Variants in CCDC181 observed in about 807,000 individuals in gnomAD.
CCDC181 encodes coiled-coil domain containing 181, also known as coiled-coil domain-containing protein 181.
A neutral mutation model predicts 58.7 loss-of-function variants in CCDC181; 35 were observed. The observed-to-expected ratio is 0.60, with a 90% CI of 0.46 to 0.79. The LOEUF is 0.79. Among genes scored for constraint, CCDC181 ranks in the 30% least tolerant of loss-of-function variants. The pLI, the probability that CCDC181 is intolerant of heterozygous loss-of-function variation, is 0.00. For synonymous variants in CCDC181, 183 were observed against 197.5 expected (o/e 0.93, Z 0.62); for missense variants, 517 against 583.9 (o/e 0.89, Z 1.18).
At chr1:169,441,563 T>G (rs1191831355) in intron 2 of CCDC181, among the ~76,000 whole-genome samples, 1 of 152,052 alleles carries the variant, frequency 6.6e-6, no homozygotes, top group Non-Finnish European at 1.5e-5. Context: ...CCTTCTCCCC[T>G]CTAAAGTGGG....
At chr1:169,433,635 A>G (rs561270612) in intron 2 of CCDC181, among the ~76,000 whole-genome samples, 48 of 152,182 alleles carry the variant, frequency 3.2e-4, no homozygotes, top group African/African-American at 1.1e-3. Context: ...TCTCACATAT[A>G]TGGTCAAATG....
intron 4 of CCDC181, among the ~76,000 whole-genome samples, chr1:169,416,481 G>T (rs1419167424): frequency 6.6e-6 from 1 of 152,038 alleles, no homozygotes; most frequent in East Asian, 1.9e-4. Context: ...TAATGAATTG[G>T]ATTGAAACAC....
At chr1:169,424,589 G>A (rs139764910) in intron 2 of CCDC181, among the ~76,000 whole-genome samples, 103 of 151,574 alleles carry the variant, frequency 6.8e-4, no homozygotes, top group African/African-American at 2.1e-3. Flanking sequence ...AAATGCTAGC[G>A]TAATAACTGT....
At chr1:169,436,583 TA>T (rs1657060486) in intron 2 of CCDC181, among the ~76,000 whole-genome samples, 1 of 152,108 alleles carries the variant, frequency 6.6e-6, no homozygotes, top group Non-Finnish European at 1.5e-5. Flanking sequence ...CGACCTAGAC[TA>T]AAAGAAAATT....
At chr1:169,420,474 T>C (rs1656406483) in intron 3 of CCDC181, among the ~76,000 whole-genome samples, 1 of 151,604 alleles carries the variant, frequency 6.6e-6, no homozygotes, top group Admixed American at 6.6e-5. Flanking sequence ...CCATATAAAG[T>C]AGATAACACA....
chr1:169,399,728 G>A (rs1655234255), intron 4 of CCDC181, among the ~76,000 whole-genome samples: 1 of 152,144 alleles, frequency 6.6e-6, no homozygotes, highest in South Asian at 2.1e-4. Flanking sequence ...TTACCCTTCT[G>A]CCCTAATTAG....
At chr1:169,409,233 C>T (rs1051932882) in intron 4 of CCDC181, among the ~76,000 whole-genome samples, 15 of 152,010 alleles carry the variant, frequency 9.9e-5, no homozygotes, top group Admixed American at 8.5e-4. Flanking sequence ...ATGAGAACTT[C>T]GTGAAACATA....
chr1:169,411,213 C>A (rs944103482), intron 4 of CCDC181, among the ~76,000 whole-genome samples: 11 of 152,232 alleles, frequency 7.2e-5, no homozygotes, highest in African/African-American at 2.6e-4. Context: ...GATATCACCA[C>A]TGATTTCACA....
chr1:169,425,167 G>C (rs1278846003), intron 1 of CCDC181, among the ~76,000 whole-genome samples: 1 of 151,942 alleles, frequency 6.6e-6, no homozygotes, highest in Non-Finnish European at 1.5e-5. Context: ...CCTTCCCCCT[G>C]TTCCCCAAAT....
chr1:169,406,829 A>T (rs1024623952), intron 4 of CCDC181, among the ~76,000 whole-genome samples: 1 of 152,152 alleles, frequency 6.6e-6, no homozygotes, highest in African/African-American at 2.4e-5. Context: ...AAAATAAAAA[A>T]AAATAAACCA....
intron 2 of CCDC181, among the ~76,000 whole-genome samples, chr1:169,436,851 C>T (rs933784320): frequency 1.2e-4 from 18 of 152,042 alleles, no homozygotes; most frequent in African/African-American, 3.9e-4. Context: ...AGCTCACAGA[C>T]TGAAAAAGAA....
intron 4 of CCDC181, among the ~76,000 whole-genome samples, chr1:169,400,826 T>C (rs1007795056): frequency 6.6e-6 from 1 of 152,036 alleles, no homozygotes; most frequent in Non-Finnish European, 1.5e-5. Context: ...AGACAGTGGG[T>C]GCAGCCCACA....
chr1:169,421,624 T>C lies in CCDC181; in HGVS notation c.807A>G (p.Lys269=), dbSNP rs1434399186. The change falls in exon 3 of 6, where the codon AAA becomes AAG. Residue 269 remains lysine (K), a synonymous_variant. Coordinates refer to ENST00000367806, the MANE Select transcript of CCDC181 (RefSeq NM_001300969.2). The part of the protein sequence containing the change: ...SSNSSVSGTK[K]EDSTAKIHAV... ...CATGAATCTTTGCTGTAGAATCTTCTTTCTTGGTGCCACTGACAGAGGAGT... is the reference window on the plus strand; with the variant it reads ...CATGAATCTTTGCTGTAGAATCTTCCTTCTTGGTGCCACTGACAGAGGAGT... The C allele has an allele frequency of 5.0e-6, 8 of 1,614,044 alleles. No homozygotes were observed. In the South Asian group the frequency reaches 7.7e-5, roughly 16 times the overall value.
At chr1:169,450,259 C>G (rs1161097468) in intron 2 of CCDC181, among the ~76,000 whole-genome samples, 1 of 152,104 alleles carries the variant, frequency 6.6e-6, no homozygotes, top group Non-Finnish European at 1.5e-5. Context: ...GAGAGTAGGC[C>G]TTTGTTATGA....
At chr1:169,398,392 T>A (rs1241379399) in intron 4 of CCDC181, among the ~76,000 whole-genome samples, 1 of 152,212 alleles carries the variant, frequency 6.6e-6, no homozygotes, top group East Asian at 1.9e-4. Flanking sequence ...ACTCCATAAA[T>A]ATGTGAAATT....
chr1:169,453,717 C>T (rs1428998492), intron 2 of CCDC181, among the ~76,000 whole-genome samples: 1 of 143,124 alleles, frequency 7.0e-6, no homozygotes, highest in African/African-American at 2.5e-5. Flanking sequence ...TACACATCTA[C>T]ACATAATTCT....
At chr1:169,406,874 T>G (rs1414059507) in intron 4 of CCDC181, among the ~76,000 whole-genome samples, 1 of 151,336 alleles carries the variant, frequency 6.6e-6, no homozygotes, top group African/African-American at 2.4e-5. Context: ...CTGAATGGGC[T>G]TAACAGTGGA....
upstream of CCDC181, among the ~76,000 whole-genome samples, chr1:169,429,614 G>A (rs751424223): frequency 2.6e-5 from 4 of 152,048 alleles, no homozygotes; most frequent in Non-Finnish European, 4.4e-5. Context: ...TTTGAGAATT[G>A]TCTATTCATG....
chr1:169,440,563 T>C (rs773198440), intron 2 of CCDC181, among the ~76,000 whole-genome samples: 4 of 152,174 alleles, frequency 2.6e-5, no homozygotes, highest in African/African-American at 9.7e-5. Context: ...TGCCAAGACA[T>C]AGAGGCATCA....
Sources: allele counts gnomAD v4.1 joint callset (sites outside exome capture counted in the v4.1 genomes callset), GRCh38; gene constraint gnomAD v4.1.1; transcripts MANE v1.5; gene names NCBI Gene and HGNC (gene_info 2026-07-23, HGNC 2026-07-21).